The following SLCO1B1 variants were observed in gnomAD, a reference collection of about 807,000 sequenced individuals.
SLCO1B1 encodes the protein OATP-2.
SLCO1B1 carries 81 observed loss-of-function variants against 70.1 expected under a neutral mutation model. That is an observed-to-expected ratio of 1.16 (90% CI 0.97 to 1.39). The LOEUF is 1.39. Among genes scored for constraint, SLCO1B1 ranks in the 40% most tolerant of loss-of-function variants. The pLI is 0.00. For synonymous variants in SLCO1B1, 283 were observed against 271.5 expected (o/e 1.04, Z -0.42); for missense variants, 895 against 799.6 (o/e 1.12, Z -1.44).
intron 7 of SLCO1B1, among the ~76,000 whole-genome samples, chr12:21,190,227 G>A (rs933399980): frequency 3.3e-5 from 5 of 152,114 alleles, no homozygotes; most frequent in South Asian, 2.1e-4. Flanking sequence ...TTGACCATCC[G>A]TACACGTGAC....
chr12:21,171,017 G>A (rs1036427334), intron 2 of SLCO1B1, among the ~76,000 whole-genome samples: 1 of 152,182 alleles, frequency 6.6e-6, no homozygotes, highest in African/African-American at 2.4e-5. Flanking sequence ...GAACAAAACA[G>A]ACAAAAACCT....
intron 2 of SLCO1B1, among the ~76,000 whole-genome samples, chr12:21,160,442 G>C (rs7962588): frequency 0.52 from 78,419 of 151,496 alleles, 21,301 homozygotes; most frequent in South Asian, 0.73. Flanking sequence ...AATTGAAATT[G>C]GACCCCTTCC....
At chr12:21,152,364 C>A (rs7489119) in intron 2 of SLCO1B1, among the ~76,000 whole-genome samples, 4,401 of 151,684 alleles carry the variant, frequency 0.029, 103 homozygotes, top group Non-Finnish European at 0.044. Context: ...CTTTCTGTAT[C>A]TGAGTTTGGT....
At position 21,200,618 on chromosome 12, in the gene SLCO1B1, A is replaced by G. The variant is rs1472824692; in HGVS notation, c.1081A>G (p.Lys361Glu). ...SYIGAFTYVF[K>E]YVEQQYGQPS... ...TATTGGTGCTTTTACTTATGTCTTC[A>G]AATACGTAGAGCAACAGTATGGTCA... The change falls in exon 9 of 15, where the codon AAA becomes GAA. Residue 361 changes from lysine (K) to glutamate (E), a missense_variant. Transcript: ENST00000256958. 4 of 1,612,274 alleles carry G rather than the reference A, an allele frequency of 2.5e-6. No individual in the cohort carries two copies. In the Admixed American group the frequency reaches 6.7e-5, roughly 27 times the overall value.
At chr12:21,136,744 C>T (rs1940228382) in intron 1 of SLCO1B1, among the ~76,000 whole-genome samples, 1 of 151,940 alleles carries the variant, frequency 6.6e-6, no homozygotes, top group Non-Finnish European at 1.5e-5. Context: ...GATTTTTTTT[C>T]AAAGCTTTTA....
rs544407548 is a variant in SLCO1B1 at position 21,163,383 on chromosome 12, A to G, written c.85-9267A>G. Among the ~76,000 whole-genome samples, 4 of 152,282 alleles carry G rather than the reference A, an allele frequency of 2.6e-5. No individual in the cohort carries two copies. In the South Asian group the frequency reaches 6.2e-4, roughly 24 times the overall value. On this transcript the variant is annotated intron_variant, in intron 2 of 14. Transcript: ENST00000256958. ...TATGACTTAGTATTGATTGATTGTC[A>G]TCTTTCATGTTCTTCATAAGTGGGT...
At chr12:21,219,732 G>C (rs76003783) in intron 12 of SLCO1B1, among the ~76,000 whole-genome samples, 3,106 of 152,070 alleles carry the variant, frequency 0.02, 101 homozygotes, top group African/African-American at 0.071. Flanking sequence ...ACAAATATGA[G>C]TCTCAGTTGT....
At chr12:21,238,446 A>G (rs1184973469) in intron 14 of SLCO1B1, among the ~76,000 whole-genome samples, 2 of 151,896 alleles carry the variant, frequency 1.3e-5, no homozygotes, top group Non-Finnish European at 2.9e-5. Context: ...TCTGGTTTAA[A>G]GCTTACTTAT....
chr12:21,175,904 A>G (rs1330736385), intron 4 of SLCO1B1, among the ~76,000 whole-genome samples: 2 of 152,162 alleles, frequency 1.3e-5, no homozygotes, highest in African/African-American at 2.4e-5. Flanking sequence ...AATCTAGATC[A>G]GCATTGCTCT....
At chr12:21,183,090 C>T (rs2121115950) in intron 7 of SLCO1B1, among the ~76,000 whole-genome samples, 1 of 152,370 alleles carries the variant, frequency 6.6e-6, no homozygotes, top group Non-Finnish European at 1.5e-5. Flanking sequence ...GCCACAAGCA[C>T]TGTTGTAAAC....
chr12:21,224,973 G>T (rs1480305740), intron 14 of SLCO1B1, 134 bp downstream of exon 14: 1 of 535,018 alleles, frequency 1.9e-6, no homozygotes, highest in Non-Finnish European at 3.2e-6. Flanking sequence ...ATGCAGTATG[G>T]TATCAAGCAA....
chr12:21,203,880 TA>T (rs1941184964), intron 10 of SLCO1B1, among the ~76,000 whole-genome samples: 1 of 152,026 alleles, frequency 6.6e-6, no homozygotes, highest in Non-Finnish European at 1.5e-5. Flanking sequence ...GTCACACCCT[TA>T]GTTCAAAAGC....
At chr12:21,134,143 T>C (rs1290185922) in intron 1 of SLCO1B1, among the ~76,000 whole-genome samples, 3 of 152,228 alleles carry the variant, frequency 2.0e-5, no homozygotes, top group East Asian at 3.8e-4. Context: ...ATTTATTGAT[T>C]TGCGTATGTT....
At position 21,222,356 on chromosome 12, in the gene SLCO1B1, G is replaced by A. The variant is rs763991908; in HGVS notation, c.1739G>A (p.Arg580Gln). 2.8e-5 allele frequency: 14 copies of A among 504,180 alleles called. No homozygotes were observed. The highest frequency in any genetic ancestry group is 3.7e-5 in the Admixed American group (1 of 26,840). 31.2% of individuals were successfully genotyped at this position (504,180 alleles called of 1,614,324 possible). A position where few individuals can be genotyped will look rare whatever the true frequency, so the allele number is the denominator to read the frequency against. ...CTGGGTTTCCACTCAATGGTTATAC[G>A]AGCACTAGGTATGATGAAAAAAAAA... ...LALGFHSMVI[R>Q]ALGGILAPIY... The change falls in exon 13 of 15, where the codon CGA becomes CAA. Residue 580 changes from arginine to glutamine, a missense_variant. Physicochemically the swap from Arg to Gln is conservative, Grantham distance 43 (BLOSUM62 1). Transcript: ENST00000256958.
At chr12:21,213,609 C>T (rs1326206441) in intron 11 of SLCO1B1, among the ~76,000 whole-genome samples, 1 of 135,334 alleles carries the variant, frequency 7.4e-6, no homozygotes, top group Admixed American at 7.5e-5. Flanking sequence ...TGAACGTTGG[C>T]CTGCCTTGCT....
chr12:21,146,084 T>C (rs937624805), intron 2 of SLCO1B1, among the ~76,000 whole-genome samples: 11 of 152,154 alleles, frequency 7.2e-5, no homozygotes, highest in Non-Finnish European at 1.2e-4. Flanking sequence ...GGCCTGTTTC[T>C]TTCTGTTTTG....
At position 21,160,167 on chromosome 12, in the gene SLCO1B1, G is replaced by A. The variant is rs150854121; in HGVS notation, c.85-12483G>A. 1.5e-3 allele frequency among the ~76,000 whole-genome samples: 213 copies of A among 144,022 alleles called. 1 individual carries two copies. The highest frequency in any genetic ancestry group is 5.0e-3 in the African/African-American group (196 of 39,208). 94.5% of individuals were successfully genotyped at this position (144,022 alleles called of 152,430 possible). ...TACAGAACCAAAATGGCCAAATAGC[G>A]AAGACAATCTAAGCAAAAAGAATAA... On this transcript the variant is annotated intron_variant, in intron 2 of 14. Transcript: ENST00000256958.
At chr12:21,183,178 A>T (rs2417963) in intron 7 of SLCO1B1, among the ~76,000 whole-genome samples, 74,145 of 152,122 alleles carry the variant, frequency 0.49, 18,906 homozygotes, top group South Asian at 0.6. Context: ...CATTTACTGG[A>T]TCACAGCTCA....
intron 2 of SLCO1B1, among the ~76,000 whole-genome samples, chr12:21,171,767 A>G (rs1225857856): frequency 1.3e-5 from 2 of 152,060 alleles, no homozygotes. Flanking sequence ...GGCATAATTG[A>G]GTTCTGATAA....
Sources: allele counts gnomAD v4.1 joint callset (sites outside exome capture counted in the v4.1 genomes callset), GRCh38; gene constraint gnomAD v4.1.1; transcripts MANE v1.5; gene names NCBI Gene and HGNC (gene_info 2026-07-23, HGNC 2026-07-21).